MUS81: variants seen among roughly 807,000 people sequenced by gnomAD.
The protein encoded by MUS81 is structure-specific endonuclease subunit MUS81.
MUS81 carries 69 observed loss-of-function variants against 74.2 expected under a neutral mutation model. The ratio of observed to expected loss-of-function variants is 0.93; its 90% CI spans 0.77 to 1.14. The LOEUF (loss-of-function observed/expected upper bound fraction) is 1.14, where lower values mean the gene tolerates loss of function less well. Among genes scored for constraint, MUS81 ranks in the 50% most tolerant of loss-of-function variants. The probability of loss-of-function intolerance (pLI) is 0.00; values close to 1 mark genes in which losing one functional copy is unlikely to be tolerated. For synonymous variants in MUS81, 303 were observed against 300.6 expected, an observed-to-expected ratio of 1.01 and a Z score of -0.08; for missense variants, 711 against 726.5, an observed-to-expected ratio of 0.98 and a Z score of 0.25.
intron 10 of MUS81, chr11:65,864,263 G>A (rs1392426378): frequency 1.2e-5 from 7 of 595,230 alleles, no homozygotes; most frequent in Non-Finnish European, 2.1e-5. Context: ...CCGGCCCAGG[G>A]GAGGCTTGAA....
downstream of MUS81, chr11:65,866,768 C>T: frequency 9.4e-7 from 1 of 1,064,666 alleles, no homozygotes; most frequent in South Asian, 1.3e-5. Flanking sequence ...CCAAGTGCCA[C>T]CCTGCCCCAG....
In MUS81 at chr11:65,863,133, T is replaced by A; in HGVS notation, c.674T>A (p.Leu225Gln). 1 of 1,614,062 alleles carries A rather than the reference T, an allele frequency of 6.2e-7. No individual in the cohort carries two copies. The highest frequency in any genetic ancestry group is 8.5e-7 in the Non-Finnish European group (1 of 1,179,980). Reference protein sequence around the residue: ...KLAESEGLSLLNVGIGPKEPP... With the variant: ...KLAESEGLSLQNVGIGPKEPP... ...GCCGAGTCAGAAGGCCTGAGCTTGC[T>A]GAATGTGGGCATCGGGCCCAAGGAG... is the stretch of plus-strand genomic sequence containing the variant. The change falls in exon 7 of 16, where the codon CTG (leucine) becomes CAG (glutamine). Residue 225 changes from leucine to glutamine, a missense_variant. Physicochemically the swap from Leu to Gln is moderately radical, Grantham distance 113. Coordinates refer to ENST00000308110, the MANE Select transcript of MUS81 (RefSeq NM_025128.5).
Position 65,860,725 on chromosome 11 carries a change from G to A in MUS81, c.-29G>A. 7.2e-6 allele frequency: 11 copies of A among 1,532,612 alleles called. No individual in the cohort carries two copies. Among genetic ancestry groups the A allele is most frequent in the Non-Finnish European group, 9.6e-6 (11 of 1,145,536 alleles). 94.9% of individuals were successfully genotyped at this position (1,532,612 alleles called of 1,614,324 possible). A position where few individuals can be genotyped will look rare whatever the true frequency, so the allele number is the denominator to read the frequency against. ...GGCGGCGTCCCAGTCCCGCGGGCGTGGAGCGCCGGAGGACCCGCCCTCGGG... is the reference window on the plus strand; with the variant it reads ...GGCGGCGTCCCAGTCCCGCGGGCGTAGAGCGCCGGAGGACCCGCCCTCGGG... On this transcript the variant is annotated 5_prime_UTR_variant, in exon 1 of 16. Transcript: ENST00000308110.
chr11:65,862,506 C>T lies in MUS81; in HGVS notation c.582C>T (p.Val194=), dbSNP rs769529419. 6 of 1,613,708 alleles carry T rather than the reference C, an allele frequency of 3.7e-6. No individual in the cohort carries two copies. Among genetic ancestry groups the T allele is most frequent in the Non-Finnish European group, 5.1e-6 (6 of 1,179,960 alleles). Residue 194 remains valine, a synonymous_variant, in exon 6 of 16, where the codon GTC becomes GTT. Transcript: ENST00000308110. ...GCTCCCTCCTTCACAGGAACCTGGT[C>T]CTCAGGACACACCAGCCAGCCAGGT... is the stretch of plus-strand genomic sequence containing the variant. The part of the protein sequence containing the change: ...ALRSLLHRNL[V]LRTHQPARYS...
At position 65,861,382 on chromosome 11, in the gene MUS81, A is replaced by G. The variant is rs780324950; in HGVS notation, c.298A>G (p.Asn100Asp). Residue 100 changes from asparagine to aspartate, a missense_variant, in exon 3 of 16, where the codon AAC becomes GAC. Coordinates refer to ENST00000308110, the MANE Select transcript of MUS81 (RefSeq NM_025128.5). ...DHAPDSPSGE[N>D]SPAPQGRLAE... ...TGCCCCGGACTCACCATCTGGAGAG[A>G]ACAGTCCAGCCCCGCAGGGGCGACT... The G allele has an allele frequency of 2.2e-5, 35 of 1,603,180 alleles. No individual in the cohort carries two copies. The highest frequency in any genetic ancestry group is 2.9e-5 in the Non-Finnish European group (34 of 1,173,928).
intron 3 of MUS81, 89 bp from the exon 4 acceptor site, chr11:65,861,858 T>C: frequency 2.0e-6 from 2 of 988,796 alleles, no homozygotes; most frequent in Non-Finnish European, 3.0e-6. Context: ...GACAACTGAG[T>C]GACTTACCCA....
In MUS81 at chr11:65,862,498, A is replaced by G; in HGVS notation, c.574A>G (p.Asn192Asp). 6.2e-7 allele frequency: 1 copy of G among 1,613,736 alleles called. No homozygotes were observed. The highest frequency in any genetic ancestry group is 8.5e-7 in the Non-Finnish European group (1 of 1,179,966). ...AGCCCTCCGCTCCCTCCTTCACAGG[A>G]ACCTGGTCCTCAGGACACACCAGCC... ...WPALRSLLHR[N>D]LVLRTHQPAR... is the part of the protein sequence containing the mutation. Residue 192 changes from asparagine (N) to aspartate (D), a missense_variant, in exon 6 of 16, where the codon AAC (asparagine) becomes GAC (aspartate). Transcript: ENST00000308110.
Position 65,865,095 on chromosome 11 carries a change from T to C in MUS81, c.1351T>C (p.Cys451Arg). ...GGCCATGACCTCTCCAAACCCTCTC[T>C]GCTCACTCCTCACCTTCAGTGACTT... ...SGAMTSPNPL[C>R]SLLTFSDFNA... The change falls in exon 13 of 16, where the codon TGC becomes CGC. Residue 451 changes from cysteine (C) to arginine (R), a missense_variant. Transcript: ENST00000308110. The C allele has an allele frequency of 6.2e-7, 1 of 1,614,150 alleles. No individual in the cohort carries two copies. The highest frequency in any genetic ancestry group is 8.5e-7 in the Non-Finnish European group (1 of 1,180,022).
chr11:65,864,779 G>A lies in MUS81; in HGVS notation c.1236G>A (p.Leu412=). The A allele has an allele frequency of 6.2e-7, 1 of 1,613,868 alleles. No homozygotes were observed. Among genetic ancestry groups the A allele is most frequent in the East Asian group, 2.2e-5 (1 of 44,880 alleles). ...TADIKESAAY[L]ALLTRGLQRL... The stretch of plus-strand genomic sequence containing the variant: ...ACATTAAGGAGTCAGCCGCCTACCT[G>A]GCCCTCTTGACGCGGGGCCTGCAGA... Residue 412 remains leucine (L), a synonymous_variant, in exon 12 of 16, where the codon CTG becomes CTA. Coordinates refer to ENST00000308110, the MANE Select transcript of MUS81 (RefSeq NM_025128.5).
At position 65,865,340 on chromosome 11, in the gene MUS81, C is replaced by T; in HGVS notation, c.1505+17C>T. On this transcript the variant is annotated intron_variant, in intron 14 of 15. Transcript: ENST00000308110. ...CCCTGCCAGGTAGGCCCTAAAGGGC[C>T]CTTAGGTGTCCTCAGCCCCTGCCCT... The T allele has an allele frequency of 2.1e-5, 34 of 1,606,856 alleles. No homozygotes were observed. Among genetic ancestry groups the T allele is most frequent in the Non-Finnish European group, 2.8e-5 (33 of 1,175,364 alleles).
In MUS81 at chr11:65,864,383, G is replaced by A. The variant is rs1399784189; in HGVS notation, c.1060-114G>A. 4.4e-6 allele frequency: 4 copies of A among 915,642 alleles called. No individual in the cohort carries two copies. In the Admixed American group the frequency reaches 5.5e-5, roughly 13 times the overall value. The allele number at this position is 915,642 out of a possible 1,614,324, so 56.7% of individuals were successfully genotyped here. A position where few individuals can be genotyped will look rare whatever the true frequency, so the allele number is the denominator to read the frequency against. ...AGGTGGAGAGGCTAGGGAGGATGCA[G>A]AGGCTAACTGGTGGGAACAGGGTCC... On this transcript the variant is annotated intron_variant, in intron 10 of 15. Transcript: ENST00000308110.
At position 65,860,733 on chromosome 11, in the gene MUS81, G is replaced by A. The variant is rs548254633; in HGVS notation, c.-21G>A. The A allele has an allele frequency of 5.2e-6, 8 of 1,532,750 alleles. No individual in the cohort carries two copies. Among genetic ancestry groups the A allele is most frequent in the East Asian group, 4.9e-5 (2 of 40,750 alleles). 94.9% of individuals were successfully genotyped at this position (1,532,750 alleles called of 1,614,324 possible). ...CCCAGTCCCGCGGGCGTGGAGCGCC[G>A]GAGGACCCGCCCTCGGGCTCATGGC... On this transcript the variant is annotated 5_prime_UTR_variant, in exon 1 of 16. Transcript: ENST00000308110.
intron 3 of MUS81, 195 bp downstream of exon 3, chr11:65,861,630 A>ATGATCAAGCTACT: frequency 1.6e-6 from 1 of 610,078 alleles, no homozygotes; most frequent in Non-Finnish European, 2.9e-6. Context: ...AGAGAATTCC[A>ATGATCAAGCTACT]TGATCAAGCT....
chr11:65,863,176 A>G lies in MUS81; in HGVS notation c.717A>G (p.Thr239=). ...CCAAGGAGCCCCCTGGGGAGGAGAC[A>G]GCAGTGCCAGGAGCAGCTTCAGCAG... ...IGPKEPPGEE[T]AVPGAASAEL... is the part of the protein sequence containing the mutation. Residue 239 remains threonine, a synonymous_variant, in exon 7 of 16, where the codon ACA becomes ACG. Transcript: ENST00000308110. The G allele has an allele frequency of 6.2e-7, 1 of 1,613,744 alleles. No individual in the cohort carries two copies.
rs781489811 is a variant in MUS81, at chr11:65,863,187, G to A, written c.728G>A (p.Gly243Glu). Residue 243 changes from glycine (G) to glutamate (E), a missense_variant, in exon 7 of 16, where the codon GGA (glycine) becomes GAA (glutamate). Coordinates refer to ENST00000308110, the MANE Select transcript of MUS81 (RefSeq NM_025128.5). ...EPPGEETAVPGAASAELASEA... is the reference protein window; with the variant it reads ...EPPGEETAVPEAASAELASEA... ...CCTGGGGAGGAGACAGCAGTGCCAGGAGCAGCTTCAGCAGAGCTGTGAGGA... is the reference window on the plus strand; with the variant it reads ...CCTGGGGAGGAGACAGCAGTGCCAGAAGCAGCTTCAGCAGAGCTGTGAGGA... 1.7e-5 allele frequency: 27 copies of A among 1,613,342 alleles called. No homozygotes were observed. The highest frequency in any genetic ancestry group is 2.1e-5 in the Non-Finnish European group (25 of 1,179,804).
At chr11:65,862,975 T>TG in intron 6 of MUS81, 90 bp from the exon 7 acceptor site, 1 of 1,558,142 alleles carries the variant, frequency 6.4e-7, no homozygotes, top group South Asian at 1.1e-5. Context: ...GCCAAGGGGG[T>TG]GGTGAGGCCA....
At chr11:65,865,424 C>G in intron 14 of MUS81, 101 bp downstream of exon 14, 1 of 1,195,614 alleles carries the variant, frequency 8.4e-7, no homozygotes, top group Non-Finnish European at 1.2e-6. Context: ...CTTGTGTGGG[C>G]TCTGCAGACC....
chr11:65,867,284 G>T, downstream of MUS81: 1 of 625,286 alleles, frequency 1.6e-6, no homozygotes, highest in Non-Finnish European at 2.8e-6. Context: ...TCTCCTGCTG[G>T]GGCTCTTCTC....
Position 65,864,481 on chromosome 11 carries a change from C to A in MUS81, c.1060-16C>A. Reference sequence around the variant, plus strand: ...TCCAGCCTGACCCTCCCTGTCCACTCTGTACACTTCCCTAGTTCCGGCTGA... The same window carrying A: ...TCCAGCCTGACCCTCCCTGTCCACTATGTACACTTCCCTAGTTCCGGCTGA... On this transcript the variant is annotated splice_polypyrimidine_tract_variant and intron_variant, in intron 10 of 15. Coordinates refer to ENST00000308110, the MANE Select transcript of MUS81 (RefSeq NM_025128.5). The A allele has an allele frequency of 6.2e-7, 1 of 1,608,718 alleles. No homozygotes were observed.
Sources: allele counts gnomAD v4.1 joint callset, GRCh38; gene constraint gnomAD v4.1.1; transcripts MANE v1.5; gene names NCBI Gene and HGNC (gene_info 2026-07-23, HGNC 2026-07-21).